The following SLC9D1 variants were observed in gnomAD, a reference collection of about 807,000 sequenced individuals.
SLC9D1 encodes putative LAG1-interacting protein.
chr13:113,529,694 A>C, the SLC9D1 span: 3 of 152,010 alleles, frequency 2.0e-5, no homozygotes, highest in Non-Finnish European at 4.4e-5. Flanking sequence ...AGAATTGTAG[A>C]CCACGTTCCT....
the SLC9D1 span, chr13:113,498,550 A>T: frequency 2.6e-6 from 4 of 1,534,294 alleles, no homozygotes; most frequent in African/African-American, 5.7e-5. Flanking sequence ...CTGCTTCTTC[A>T]CCTCCTGAGC....
At chr13:113,541,606 C>G in the SLC9D1 span, among the ~76,000 whole-genome samples, 11 of 122,052 alleles carry the variant, frequency 9.0e-5, no homozygotes, top group East Asian at 5.3e-4. Flanking sequence ...TATTACCGTC[C>G]AGATGTGTGG....
the SLC9D1 span, chr13:113,495,769 A>T: frequency 6.2e-7 from 1 of 1,614,174 alleles, no homozygotes; most frequent in South Asian, 1.1e-5. Context: ...CTTCTCCGCC[A>T]GAAGAATGCA....
the SLC9D1 span, among the ~76,000 whole-genome samples, chr13:113,513,612 G>T: frequency 6.6e-6 from 1 of 152,062 alleles, no homozygotes; most frequent in African/African-American, 2.4e-5. Context: ...GTTAGAAATT[G>T]TAATTTGAAA....
At chr13:113,503,529 G>A in the SLC9D1 span, 1 of 1,613,772 alleles carries the variant, frequency 6.2e-7, no homozygotes, top group Non-Finnish European at 8.5e-7. Context: ...AGGAGAATTT[G>A]GGGTGTTTTT....
chr13:113,535,813 C>T, the SLC9D1 span, among the ~76,000 whole-genome samples: 6 of 150,298 alleles, frequency 4.0e-5, no homozygotes, highest in East Asian at 5.9e-4. The surrounding 1 kb of genome is among the most constrained non-coding windows in gnomAD (Gnocchi z 4.1). Flanking sequence ...TCGCTGTCTT[C>T]GCTGTGTCTG....
the SLC9D1 span, chr13:113,496,103 T>G: frequency 9.8e-7 from 1 of 1,024,544 alleles, no homozygotes; most frequent in Non-Finnish European, 1.4e-6. Flanking sequence ...CGTGCCCACA[T>G]CCTCATCCTA....
chr13:113,516,019 T>C, the SLC9D1 span, among the ~76,000 whole-genome samples: 15 of 152,278 alleles, frequency 9.9e-5, no homozygotes, highest in South Asian at 2.9e-3. Context: ...TTTCTACATA[T>C]GAGATAATCT....
chr13:113,522,379 C>T, the SLC9D1 span, among the ~76,000 whole-genome samples: 6 of 152,152 alleles, frequency 3.9e-5, no homozygotes, highest in African/African-American at 9.7e-5. Flanking sequence ...CTCGCTCTGT[C>T]GCCCAGCCTG....
At chr13:113,545,597 CTT>C in the SLC9D1 span, among the ~76,000 whole-genome samples, 1 of 152,194 alleles carries the variant, frequency 6.6e-6, no homozygotes, top group Non-Finnish European at 1.5e-5. Context: ...GCCAGGAACT[CTT>C]AGCTCAGGCA....
At chr13:113,507,731 C>T in the SLC9D1 span, among the ~76,000 whole-genome samples, 4 of 152,210 alleles carry the variant, frequency 2.6e-5, no homozygotes, top group Non-Finnish European at 4.4e-5. Context: ...TTGGGAGTTT[C>T]GTTTGCTTCT....
the SLC9D1 span, among the ~76,000 whole-genome samples, chr13:113,521,695 G>A: frequency 6.6e-6 from 1 of 152,122 alleles, no homozygotes; most frequent in Admixed American, 6.5e-5. Flanking sequence ...CGTATGGAGA[G>A]AGAAGCCAAA....
the SLC9D1 span, among the ~76,000 whole-genome samples, chr13:113,548,894 G>A: frequency 6.6e-6 from 1 of 152,120 alleles, no homozygotes; most frequent in East Asian, 1.9e-4. Flanking sequence ...GTGTGAGGCG[G>A]GTAGAAGTCC....
chr13:113,503,604 A>G, the SLC9D1 span: 4 of 1,552,828 alleles, frequency 2.6e-6, no homozygotes, highest in Non-Finnish European at 3.6e-6. Flanking sequence ...GACCTCATCA[A>G]CCTGTTACTG....
chr13:113,506,352 TG>T, the SLC9D1 span, among the ~76,000 whole-genome samples: 5 of 106,342 alleles, frequency 4.7e-5, no homozygotes, highest in Admixed American at 3.8e-4. Context: ...TGTCAGCCAG[TG>T]GCTGCCTGGC....
chr13:113,502,728 C>T, the SLC9D1 span, among the ~76,000 whole-genome samples: 1 of 152,340 alleles, frequency 6.6e-6, no homozygotes, highest in African/African-American at 2.4e-5. Flanking sequence ...ATGAGTCCCA[C>T]TGGAGGGAGG....
chr13:113,536,583 G>T, the SLC9D1 span: 1 of 985,160 alleles, frequency 1.0e-6, no homozygotes, highest in Non-Finnish European at 1.2e-6. Flanking sequence ...CTTCCGTGTT[G>T]CCCTCCCAGT....
the SLC9D1 span, chr13:113,504,153 T>G: frequency 6.6e-6 from 1 of 152,396 alleles, no homozygotes; most frequent in African/African-American, 2.4e-5. Flanking sequence ...TTTAAGTGAC[T>G]GTCAGATGTA....
the SLC9D1 span, among the ~76,000 whole-genome samples, chr13:113,521,340 G>T: frequency 6.8e-6 from 1 of 147,756 alleles, no homozygotes; most frequent in Non-Finnish European, 1.5e-5. Flanking sequence ...ATGCATGTGC[G>T]TCTGCATGTA....
Sources: gnomAD v4.1 joint callset for allele counts (sites outside exome capture counted in the v4.1 genomes callset) on GRCh38, gnomAD v4.1.1 for gene constraint, Gnocchi (gnomAD v3.1) non-coding constraint, MANE v1.5 for transcripts, NCBI Gene and HGNC (gene_info 2026-07-23, HGNC 2026-07-21) for gene names.